FHOD3: variants seen among roughly 807,000 people sequenced by gnomAD.
FHOD3 encodes FH1/FH2 domain-containing protein 3.
Under a neutral mutation model 173.0 loss-of-function variants are expected in FHOD3, and 90 were observed. The observed-to-expected ratio is 0.52, with a 90% CI of 0.44 to 0.62. The LOEUF (loss-of-function observed/expected upper bound fraction) is 0.62. Ranked by LOEUF, FHOD3 falls within the 20% of genes least tolerant of loss-of-function variation. The probability of loss-of-function intolerance (pLI) is 0.00; values close to 1 mark genes in which losing one functional copy is unlikely to be tolerated. For synonymous variants in FHOD3, 828 were observed against 823.0 expected, an observed-to-expected ratio of 1.01 and a Z score of -0.10; for missense variants, 1,945 against 2,034.7, an observed-to-expected ratio of 0.96 and a Z score of 0.85.
chr18:36,671,189 C>A (rs148273659), intron 14 of FHOD3, among the ~76,000 whole-genome samples: 53 of 152,330 alleles, frequency 3.5e-4, no homozygotes, highest in African/African-American at 1.2e-3. Context: ...TGGTATGTTA[C>A]CCTGCCAGTG....
chr18:36,313,924 C>T (rs1442581702), intron 1 of FHOD3, among the ~76,000 whole-genome samples: 7 of 151,202 alleles, frequency 4.6e-5, no homozygotes, highest in Non-Finnish European at 1.0e-4. Flanking sequence ...CACTCTGTTG[C>T]CCAGGCTGGA....
intron 20 of FHOD3, among the ~76,000 whole-genome samples, chr18:36,732,142 G>A (rs1416876210): frequency 6.6e-6 from 1 of 152,184 alleles, no homozygotes; most frequent in Non-Finnish European, 1.5e-5. Flanking sequence ...GGAAATTAGA[G>A]TGATGTTTTT....
At chr18:36,312,755 A>T (rs527705991) in intron 1 of FHOD3, among the ~76,000 whole-genome samples, 74 of 152,362 alleles carry the variant, frequency 4.9e-4, no homozygotes, top group African/African-American at 1.7e-3. Context: ...TGTCAGTCAC[A>T]TGGGGATTGC....
rs754817473 is a variant in FHOD3 at position 36,576,595 on chromosome 18, CCTTT to C, written c.606+55_606+58del. ...TTTTGTTCACTTGTCATATCACTTG[CCTTT>C]CTTTTTTCTCTGAGTCAGTTTTGCA... On this transcript the variant is annotated intron_variant, in intron 6 of 28. Transcript: ENST00000590592. 6 of 1,432,570 alleles carry C rather than the reference CCTTT, an allele frequency of 4.2e-6. No individual in the cohort carries two copies. In the East Asian group the frequency reaches 1.4e-4, roughly 34 times the overall value. The allele number at this position is 1,432,570 out of a possible 1,614,324, so 88.7% of individuals were successfully genotyped here. A position where few individuals can be genotyped will look rare whatever the true frequency, so the allele number is the denominator to read the frequency against.
Position 36,297,728 on chromosome 18 carries a change from C to T in FHOD3, c.-108C>T, listed in dbSNP as rs1242833345. 3.5e-6 allele frequency: 3 copies of T among 857,630 alleles called. No homozygotes were observed. The highest frequency in any genetic ancestry group is 4.5e-6 in the Non-Finnish European group (3 of 668,440). The allele number at this position is 857,630 out of a possible 1,614,324, so 53.1% of individuals were successfully genotyped here. On this transcript the variant is annotated 5_prime_UTR_variant, in exon 1 of 29. Transcript: ENST00000590592. ...CGGCGCGCCTGAGCCTGCGAGTCCGCGAGCCAGCGAGCTGCGGCTGCGGCC... is the reference window on the plus strand; with the variant it reads ...CGGCGCGCCTGAGCCTGCGAGTCCGTGAGCCAGCGAGCTGCGGCTGCGGCC...
chr18:36,376,120 C>G (rs2047429426), intron 3 of FHOD3, among the ~76,000 whole-genome samples: 2 of 152,092 alleles, frequency 1.3e-5, no homozygotes, highest in Admixed American at 1.3e-4. Flanking sequence ...GAAAAATGTT[C>G]AGAGGGCCAA....
chr18:36,742,251 G>T (rs2041938956), intron 21 of FHOD3, among the ~76,000 whole-genome samples: 1 of 152,176 alleles, frequency 6.6e-6, no homozygotes, highest in Non-Finnish European at 1.5e-5. Context: ...GTAGAGGGCA[G>T]TAGCCTTCTA....
intron 8 of FHOD3, among the ~76,000 whole-genome samples, chr18:36,607,372 G>C (rs1236538002): frequency 6.6e-6 from 1 of 152,194 alleles, no homozygotes; most frequent in African/African-American, 2.4e-5. Context: ...AGGATCCTGA[G>C]TGGCCCTGAG....
At chr18:36,463,632 A>G (rs1001675704) in intron 3 of FHOD3, among the ~76,000 whole-genome samples, 1 of 146,930 alleles carries the variant, frequency 6.8e-6, no homozygotes, top group African/African-American at 2.5e-5. Context: ...CTGAGCTGGG[A>G]CTACAGGTGT....
intron 5 of FHOD3, among the ~76,000 whole-genome samples, chr18:36,561,696 C>T (rs1018720531): frequency 6.6e-6 from 1 of 152,078 alleles, no homozygotes; most frequent in African/African-American, 2.4e-5. Context: ...ATTATATACC[C>T]ATTAGGAACT....
chr18:36,407,699 C>A lies in FHOD3; in HGVS notation c.337+34955C>A, dbSNP rs530862769. On this transcript the variant is annotated intron_variant, in intron 3 of 28. Transcript: ENST00000590592. ...ACTCTACTGTGAGCTTCTGCAGACACCCTACACGAATCCATCCAATGTAGA... is the reference window on the plus strand; with the variant it reads ...ACTCTACTGTGAGCTTCTGCAGACAACCTACACGAATCCATCCAATGTAGA... 9.2e-5 allele frequency among the ~76,000 whole-genome samples: 14 copies of A among 152,306 alleles called. No individual in the cohort carries two copies. The South Asian group carries it at 2.9e-3, about 32-fold the overall frequency.
At position 36,406,096 on chromosome 18, in the gene FHOD3, T is replaced by TG. The variant is rs1491409621; in HGVS notation, c.337+33352_337+33353insG. Among the ~76,000 whole-genome samples the TG allele has an allele frequency of 3.6e-5, 4 of 111,370 alleles. No individual in the cohort carries two copies. In the South Asian group the frequency reaches 1.4e-3, roughly 38 times the overall value. 73.1% of individuals were successfully genotyped at this position (111,370 alleles called of 152,430 possible). On this transcript the variant is annotated intron_variant, in intron 3 of 28. Transcript: ENST00000590592. ...TGCCTGTTTTTTGTTTTTGTTTTTG[T>TG]TTTTTTGTTTTTGTTTTTGTTTTTT...
intron 9 of FHOD3, among the ~76,000 whole-genome samples, chr18:36,615,320 A>G (rs1467584995): frequency 1.3e-5 from 2 of 152,164 alleles, no homozygotes; most frequent in African/African-American, 4.8e-5. Flanking sequence ...AATATTTCCT[A>G]TTTCCACTTA....
At chr18:36,617,937 T>C (rs1254334521) in intron 9 of FHOD3, among the ~76,000 whole-genome samples, 1 of 152,166 alleles carries the variant, frequency 6.6e-6, no homozygotes, top group Non-Finnish European at 1.5e-5. Flanking sequence ...TCATCTGTAT[T>C]TTAAAATTCC....
intron 27 of FHOD3, among the ~76,000 whole-genome samples, chr18:36,766,186 G>C (rs375690707): frequency 3.9e-5 from 6 of 152,136 alleles, no homozygotes; most frequent in African/African-American, 1.4e-4. Flanking sequence ...TAAACTGCCA[G>C]AACAAAAAAC....
At chr18:36,770,846 C>G (rs2043345896) in intron 28 of FHOD3, among the ~76,000 whole-genome samples, 1 of 152,164 alleles carries the variant, frequency 6.6e-6, no homozygotes, top group Non-Finnish European at 1.5e-5. Context: ...GTGTGGGTCC[C>G]TGCCCCTTGG....
chr18:36,508,325 C>G (rs763102556), intron 4 of FHOD3, among the ~76,000 whole-genome samples: 3 of 151,128 alleles, frequency 2.0e-5, no homozygotes, highest in Non-Finnish European at 4.4e-5. Context: ...CAAAAAGCAC[C>G]ACTAGCAACG....
intron 2 of FHOD3, among the ~76,000 whole-genome samples, chr18:36,368,236 T>C (rs955204250): frequency 3.3e-5 from 5 of 152,156 alleles, no homozygotes; most frequent in Admixed American, 6.5e-5. Flanking sequence ...GAAATGCAGG[T>C]AGGATTTCTA....
intron 14 of FHOD3, among the ~76,000 whole-genome samples, chr18:36,661,434 T>G (rs1362681899): frequency 6.6e-6 from 1 of 152,200 alleles, no homozygotes; most frequent in Non-Finnish European, 1.5e-5. Context: ...GGAACTATAT[T>G]ATCAATAATG....
Sources: gnomAD v4.1 joint callset for allele counts (sites outside exome capture counted in the v4.1 genomes callset) on GRCh38, gnomAD v4.1.1 for gene constraint, MANE v1.5 for transcripts, NCBI Gene and HGNC (gene_info 2026-07-23, HGNC 2026-07-21) for gene names.